UBE2J1: variants seen among roughly 807,000 people sequenced by gnomAD.
UBE2J1 encodes ubiquitin-conjugating enzyme E2 J1.
A neutral mutation model predicts 42.1 loss-of-function variants in UBE2J1; 17 were observed. The ratio of observed to expected loss-of-function variants is 0.40; its 90% CI spans 0.28 to 0.61. The LOEUF (loss-of-function observed/expected upper bound fraction) is 0.61. Ranked by LOEUF, UBE2J1 falls within the 20% of genes least tolerant of loss-of-function variation. The pLI is 0.38. For missense variants in UBE2J1, 291 were observed against 389.4 expected (o/e 0.75, Z 2.13); for synonymous variants, 127 against 137.2 (o/e 0.93, Z 0.52).
In UBE2J1 at chr6:89,327,981, A is replaced by G. The variant is rs1290544684; in HGVS notation, c.*1698T>C. ...TAGAGTTATAAAATGGTAACCTATG[A>G]TTTTCCTCATATAATGAGATCTTCA... On this transcript the variant is annotated 3_prime_UTR_variant, in exon 8 of 8. Coordinates refer to ENST00000435041, the MANE Select transcript of UBE2J1 (RefSeq NM_016021.3). 2 of 152,188 alleles carry G rather than the reference A, an allele frequency of 1.3e-5. No individual in the cohort carries two copies. The highest frequency in any genetic ancestry group is 2.9e-5 in the Non-Finnish European group (2 of 68,032). The allele number at this position is 152,188 out of a possible 1,614,324, so 9.4% of individuals were successfully genotyped here.
chr6:89,343,666 T>A lies in UBE2J1; in HGVS notation c.105+17A>T. The A allele has an allele frequency of 6.4e-7, 1 of 1,572,304 alleles. No homozygotes were observed. The highest frequency in any genetic ancestry group is 8.6e-7 in the Non-Finnish European group (1 of 1,161,990). ...AATATTAAAATCCATATGAAGAACA[T>A]GGAGATAGAAACTAACCTCTAAAGG... On this transcript the variant is annotated intron_variant, in intron 2 of 7. Coordinates refer to ENST00000435041, the MANE Select transcript of UBE2J1 (RefSeq NM_016021.3).
chr6:89,333,326 T>C, intron 6 of UBE2J1, 121 bp from the exon 7 acceptor site: 1 of 1,161,470 alleles, frequency 8.6e-7, no homozygotes, highest in African/African-American at 1.6e-5. Flanking sequence ...TAATATCTAT[T>C]ATCAGGCAGT....
chr6:89,333,083 T>TA lies in UBE2J1; in HGVS notation c.678+2dup. Reference sequence around the variant, plus strand: ...CATATATATTAAAAGATAAGAGCCATACCGATGTACTGGCCGTAGCACCCT... The same window carrying TA: ...CATATATATTAAAAGATAAGAGCCATAACCGATGTACTGGCCGTAGCACCCT... On this transcript the variant is annotated splice_region_variant and intron_variant, in intron 7 of 7. Transcript: ENST00000435041. 1 of 1,604,454 alleles carries TA rather than the reference T, an allele frequency of 6.2e-7. No homozygotes were observed.
intron 1 of UBE2J1, among the ~76,000 whole-genome samples, chr6:89,351,067 CTCTTT>C (rs1768466162): frequency 1.0e-5 from 1 of 97,868 alleles, no homozygotes; most frequent in Non-Finnish European, 2.1e-5. Context: ...CCCCGGGATT[CTCTTT>C]TTTTTTTTTT....
At chr6:89,340,616 T>C (rs1383033997) in intron 3 of UBE2J1, among the ~76,000 whole-genome samples, 1 of 152,180 alleles carries the variant, frequency 6.6e-6, no homozygotes, top group East Asian at 1.9e-4. Context: ...GAAAACAATT[T>C]TAAAGACATT....
At position 89,352,691 on chromosome 6, in the gene UBE2J1, C is replaced by A. The variant is rs1768512124; in HGVS notation, c.-122G>T. The A allele has an allele frequency of 1.7e-6, 2 of 1,164,720 alleles. No individual in the cohort carries two copies. Among genetic ancestry groups the A allele is most frequent in the Non-Finnish European group, 2.3e-6 (2 of 871,792 alleles). 72.1% of individuals were successfully genotyped at this position (1,164,720 alleles called of 1,614,324 possible). The stretch of plus-strand genomic sequence containing the variant: ...CCTGGCCGAGGAGCCTCGGCAAATG[C>A]CGCCCAGTCCAGCCTGGACTGCGGG... On this transcript the variant is annotated 5_prime_UTR_variant, in exon 1 of 8. Coordinates refer to ENST00000435041, the MANE Select transcript of UBE2J1 (RefSeq NM_016021.3).
At chr6:89,347,513 T>C (rs2127873228) in intron 1 of UBE2J1, among the ~76,000 whole-genome samples, 1 of 152,234 alleles carries the variant, frequency 6.6e-6, no homozygotes, top group East Asian at 1.9e-4. Flanking sequence ...TTATGAGAGA[T>C]GTATAAAGGG....
chr6:89,329,715 A>G lies in UBE2J1; in HGVS notation c.921T>C (p.Tyr307=). The G allele has an allele frequency of 6.2e-7, 1 of 1,614,150 alleles. No individual in the cohort carries two copies. Among genetic ancestry groups the G allele is most frequent in the East Asian group, 2.2e-5 (1 of 44,884 alleles). The part of the protein sequence containing the change: ...ALAALIFRRI[Y]LANEYIFDFE... Reference sequence around the variant, plus strand: ...AGTCAAATATGTATTCGTTTGCCAGATATATTCGTCGGAATATAAGAGCTG... The same window carrying G: ...AGTCAAATATGTATTCGTTTGCCAGGTATATTCGTCGGAATATAAGAGCTG... Residue 307 remains tyrosine (Y), a synonymous_variant, in exon 8 of 8, where the codon TAT becomes TAC. Coordinates refer to ENST00000435041, the MANE Select transcript of UBE2J1 (RefSeq NM_016021.3).
intron 1 of UBE2J1, among the ~76,000 whole-genome samples, chr6:89,345,017 T>A (rs755520375): frequency 5.9e-5 from 9 of 152,162 alleles, no homozygotes; most frequent in Non-Finnish European, 4.4e-5. Context: ...TTCTCAAAAC[T>A]GGGTTTGCAA....
chr6:89,343,755 A>G lies in UBE2J1; in HGVS notation c.33T>C (p.Ala11=), dbSNP rs1385817024. The G allele has an allele frequency of 3.7e-6, 6 of 1,602,962 alleles. No homozygotes were observed. Among genetic ancestry groups the G allele is most frequent in the Non-Finnish European group, 5.1e-6 (6 of 1,173,902 alleles). The stretch of plus-strand genomic sequence containing the variant: ...CCGCTTCTTTCATTAAACGTTTAAC[A>G]GCTAAAATAAAATTCATAAAATAGA... METRYNLKSP[A]VKRLMKEAAE... The change falls in exon 2 of 8, where the codon GCT becomes GCC. Residue 11 remains alanine, a splice_region_variant and synonymous_variant. Transcript: ENST00000435041.
At position 89,333,127 on chromosome 6, in the gene UBE2J1, C is replaced by A; in HGVS notation, c.637G>T (p.Asp213Tyr). The A allele has an allele frequency of 6.2e-7, 1 of 1,613,186 alleles. No individual in the cohort carries two copies. The highest frequency in any genetic ancestry group is 1.1e-5 in the South Asian group (1 of 90,814). Residue 213 changes from aspartate (D) to tyrosine (Y), a missense_variant, in exon 7 of 8, where the codon GAT (aspartate) becomes TAT (tyrosine). Transcript: ENST00000435041. ...GCACCCTGGAATGTTGTAGGTATAT[C>A]ATCTTGTAAATCAGTTAGTGAAAAA... ...HSFSLTDLQD[D>Y]IPTTFQGATA...
intron 6 of UBE2J1, among the ~76,000 whole-genome samples, chr6:89,334,936 A>C (rs1768080965): frequency 6.6e-6 from 1 of 152,258 alleles, no homozygotes; most frequent in Admixed American, 6.5e-5. Flanking sequence ...AAAAAGGCAC[A>C]AAGTGGTTAA....
At chr6:89,333,858 AAGAC>A (rs1053714002) in intron 6 of UBE2J1, among the ~76,000 whole-genome samples, 6 of 152,234 alleles carry the variant, frequency 3.9e-5, no homozygotes, top group African/African-American at 1.4e-4. Flanking sequence ...TGGACCTGGA[AAGAC>A]AGACAGTCCA....
At chr6:89,351,068 TC>T (rs1768466508) in intron 1 of UBE2J1, among the ~76,000 whole-genome samples, 9 of 125,078 alleles carry the variant, frequency 7.2e-5, no homozygotes, top group African/African-American at 1.9e-4. Flanking sequence ...CCCGGGATTC[TC>T]TTTTTTTTTT....
chr6:89,340,568 T>C (rs1768225040), intron 3 of UBE2J1, among the ~76,000 whole-genome samples: 1 of 152,204 alleles, frequency 6.6e-6, no homozygotes, highest in African/African-American at 2.4e-5. Context: ...TATGGTGTGA[T>C]TACAATTACC....
chr6:89,342,605 A>G lies in UBE2J1; in HGVS notation c.106-150T>C, dbSNP rs975243150. 28 of 651,500 alleles carry G rather than the reference A, an allele frequency of 4.3e-5. No individual in the cohort carries two copies. The Middle Eastern group carries it at 1.7e-3, about 40-fold the overall frequency. The allele number at this position is 651,500 out of a possible 1,614,324, so 40.4% of individuals were successfully genotyped here. On this transcript the variant is annotated intron_variant, in intron 2 of 7. Coordinates refer to ENST00000435041, the MANE Select transcript of UBE2J1 (RefSeq NM_016021.3). ...CTAATGCATGAGATGTCTCGAGACTATAAGTGATAAATTAAATTTATAAGT... is the reference window on the plus strand; with the variant it reads ...CTAATGCATGAGATGTCTCGAGACTGTAAGTGATAAATTAAATTTATAAGT...
chr6:89,348,414 T>A (rs999057579), intron 1 of UBE2J1, among the ~76,000 whole-genome samples: 2 of 152,216 alleles, frequency 1.3e-5, no homozygotes, highest in African/African-American at 2.4e-5. Context: ...AGGCCACTGC[T>A]TCCCATATAT....
chr6:89,337,195 T>G (rs1466513415), intron 5 of UBE2J1, among the ~76,000 whole-genome samples: 2 of 150,938 alleles, frequency 1.3e-5, no homozygotes, highest in African/African-American at 4.9e-5. Flanking sequence ...GAATATACAG[T>G]GAGAAGCCTA....
At chr6:89,339,105 A>AC (rs1768180626) in intron 3 of UBE2J1, among the ~76,000 whole-genome samples, 1 of 152,012 alleles carries the variant, frequency 6.6e-6, no homozygotes, top group Admixed American at 6.6e-5. Context: ...ACTGAGTTGC[A>AC]CAAGTGAAAT....
Sources: gnomAD v4.1 joint callset for allele counts (sites outside exome capture counted in the v4.1 genomes callset) on GRCh38, gnomAD v4.1.1 for gene constraint, MANE v1.5 for transcripts, NCBI Gene and HGNC (gene_info 2026-07-23, HGNC 2026-07-21) for gene names.